Variants in MGLL observed in about 807,000 individuals in gnomAD.
The protein encoded by MGLL is monoglyceride lipase, also known as lysophospholipase homolog.
A neutral mutation model predicts 29.1 loss-of-function variants in MGLL; 7 were observed. The observed-to-expected ratio is 0.24, with a 90% confidence interval of 0.14 to 0.45. The LOEUF (loss-of-function observed/expected upper bound fraction) is 0.45. MGLL is among the 20% of genes least tolerant of loss of function. MGLL has a pLI of 0.99. For missense variants in MGLL, 356 were observed against 413.6 expected (o/e 0.86, Z 1.21); for synonymous variants, 148 against 168.3 (o/e 0.88, Z 0.93).
rs2076762639 is a variant in MGLL at position 127,761,424 on chromosome 3, C to G, written c.262+20365G>C. Among the ~76,000 whole-genome samples the G allele has an allele frequency of 6.6e-6, 1 of 152,188 alleles. No individual in the cohort carries two copies. The highest frequency in any genetic ancestry group is 1.5e-5 in the Non-Finnish European group (1 of 68,026). On this transcript the variant is annotated intron_variant, in intron 3 of 7. Coordinates refer to ENST00000265052, the MANE Select transcript of MGLL (RefSeq NM_007283.7). This position sits in a 1 kb window ranked among gnomAD's most constrained non-coding sequence, Gnocchi z 4.6. ...GGGTGGAGGCCTCCCCAGGGCTCCT[C>G]CTTCTCCAGCAAGCAGTACTAACCT...
chr3:127,706,311 C>G (rs538554769), intron 6 of MGLL, among the ~76,000 whole-genome samples: 94 of 152,306 alleles, frequency 6.2e-4, no homozygotes, highest in African/African-American at 2.2e-3. Flanking sequence ...GAGAAAGAAG[C>G]TCAGTTGGGC....
At chr3:127,719,288 G>A (rs113632854) in intron 5 of MGLL, among the ~76,000 whole-genome samples, 2 of 152,224 alleles carry the variant, frequency 1.3e-5, no homozygotes, top group South Asian at 4.1e-4. Context: ...AAAGTCCTGT[G>A]GGCCCTGGCT....
intron 3 of MGLL, among the ~76,000 whole-genome samples, chr3:127,745,174 G>A (rs890723367): frequency 5.9e-5 from 9 of 152,322 alleles, no homozygotes; most frequent in Non-Finnish European, 1.2e-4. Flanking sequence ...GGTATTTACT[G>A]AGTGGATTGC....
At chr3:127,734,844 C>A (rs1488187072) in intron 3 of MGLL, among the ~76,000 whole-genome samples, 2 of 152,224 alleles carry the variant, frequency 1.3e-5, no homozygotes, top group Non-Finnish European at 2.9e-5. Context: ...GAGATGGGAG[C>A]CCCTGACTGT....
chr3:127,737,985 A>C (rs1195509012), intron 3 of MGLL, among the ~76,000 whole-genome samples: 3 of 152,156 alleles, frequency 2.0e-5, no homozygotes, highest in Non-Finnish European at 4.4e-5. Context: ...TGGTAATATT[A>C]TCTAAGTAAG....
chr3:127,728,099 C>CT (rs1195225117), intron 3 of MGLL, among the ~76,000 whole-genome samples: 1 of 152,146 alleles, frequency 6.6e-6, no homozygotes, highest in Non-Finnish European at 1.5e-5. Context: ...TTCCTTCTTG[C>CT]TTTTCAATTT....
chr3:127,692,143 T>C lies in MGLL; in HGVS notation c.*55A>G. Reference sequence around the variant, plus strand: ...CAAGCCATATCTGAGAAGCCATCTCTGCCCTTCCCCTGCCTGCATCCCCCA... The same window carrying C: ...CAAGCCATATCTGAGAAGCCATCTCCGCCCTTCCCCTGCCTGCATCCCCCA... On this transcript the variant is annotated 3_prime_UTR_variant, in exon 8 of 8. Transcript: ENST00000265052. The C allele has an allele frequency of 7.6e-7, 1 of 1,307,682 alleles. No individual in the cohort carries two copies. The highest frequency in any genetic ancestry group is 1.1e-6 in the Non-Finnish European group (1 of 931,488). 81.0% of individuals were successfully genotyped at this position (1,307,682 alleles called of 1,614,324 possible).
chr3:127,799,741 G>A (rs1019323849), intron 2 of MGLL, among the ~76,000 whole-genome samples: 3 of 152,128 alleles, frequency 2.0e-5, no homozygotes, highest in African/African-American at 7.2e-5. Flanking sequence ...CAGTAGTACC[G>A]GCAAAGGAAG....
At chr3:127,816,772 G>A (rs1473772759) in intron 2 of MGLL, among the ~76,000 whole-genome samples, 1 of 152,210 alleles carries the variant, frequency 6.6e-6, no homozygotes, top group Non-Finnish European at 1.5e-5. Context: ...GCTGTGATGG[G>A]GACCATCACT....
chr3:127,815,656 A>G (rs1310670618), intron 2 of MGLL, among the ~76,000 whole-genome samples: 7 of 152,190 alleles, frequency 4.6e-5, no homozygotes, highest in African/African-American at 1.7e-4. Context: ...CGAGGGTGGA[A>G]CACCATCCAG....
At position 127,761,374 on chromosome 3, in the gene MGLL, G is replaced by A. The variant is rs1219558706; in HGVS notation, c.262+20415C>T. Among the ~76,000 whole-genome samples, 1 of 152,224 alleles carries A rather than the reference G, an allele frequency of 6.6e-6. No individual in the cohort carries two copies. Among genetic ancestry groups the A allele is most frequent in the East Asian group, 1.9e-4 (1 of 5,202 alleles). On this transcript the variant is annotated intron_variant, in intron 3 of 7. Coordinates refer to ENST00000265052, the MANE Select transcript of MGLL (RefSeq NM_007283.7). This position sits in a 1 kb window ranked among gnomAD's most constrained non-coding sequence, Gnocchi z 4.6. ...TGGGGGTGCTGGCTTAGTTTAGGGT[G>A]GGGATGAGAAGCTTTGAGGGACCAG... is the stretch of plus-strand genomic sequence containing the variant.
At chr3:127,718,561 T>C (rs191173037) in intron 5 of MGLL, among the ~76,000 whole-genome samples, 202 of 152,196 alleles carry the variant, frequency 1.3e-3, no homozygotes, top group African/African-American at 4.7e-3. Context: ...CACCAAAAGG[T>C]TGCTAAGCAA....
chr3:127,692,222 C>G lies in MGLL; in HGVS notation c.918G>C (p.Thr306=). ...INMWVSQRTA[T]AGTASPP The stretch of plus-strand genomic sequence containing the variant: ...TTCAGGGTGGGGACGCAGTTCCTGC[C>G]GTGGCTGTCCTTTGAGAGACCCACA... Residue 306 remains threonine, a synonymous_variant, in exon 8 of 8, where the codon ACG becomes ACC. Coordinates refer to ENST00000265052, the MANE Select transcript of MGLL (RefSeq NM_007283.7). The G allele has an allele frequency of 6.2e-7, 1 of 1,613,794 alleles. No homozygotes were observed. Among genetic ancestry groups the G allele is most frequent in the Non-Finnish European group, 8.5e-7 (1 of 1,179,990 alleles).
intron 2 of MGLL, among the ~76,000 whole-genome samples, chr3:127,816,861 C>T (rs902195744): frequency 3.3e-5 from 5 of 152,242 alleles, no homozygotes; most frequent in South Asian, 2.1e-4. Flanking sequence ...CCACTGAAAG[C>T]GGCCACAGTT....
At chr3:127,794,757 T>C (rs969682478) in intron 2 of MGLL, among the ~76,000 whole-genome samples, 5 of 152,314 alleles carry the variant, frequency 3.3e-5, no homozygotes, top group Admixed American at 2.0e-4. Context: ...AGACTGTCTT[T>C]TATGATGTAA....
At chr3:127,792,858 C>G (rs536090574) in intron 2 of MGLL, among the ~76,000 whole-genome samples, 3 of 152,308 alleles carry the variant, frequency 2.0e-5, no homozygotes, top group Non-Finnish European at 4.4e-5. Context: ...TATGCGGGCC[C>G]TTGGGAAGAC....
intron 3 of MGLL, among the ~76,000 whole-genome samples, chr3:127,767,387 C>G (rs73862332): frequency 6.6e-6 from 1 of 152,078 alleles, no homozygotes; most frequent in East Asian, 1.9e-4. Flanking sequence ...AATAATTAAC[C>G]AATTGTTTAT....
At chr3:127,758,374 C>T (rs971596395) in intron 3 of MGLL, among the ~76,000 whole-genome samples, 1 of 152,254 alleles carries the variant, frequency 6.6e-6, no homozygotes. Flanking sequence ...TTGTTCACAG[C>T]TGCATCTCCT....
At chr3:127,698,492 A>AT (rs904403072) in intron 6 of MGLL, among the ~76,000 whole-genome samples, 15 of 152,296 alleles carry the variant, frequency 9.8e-5, no homozygotes, top group Non-Finnish European at 1.9e-4. Context: ...GTCCCCAAAT[A>AT]TTCCACACTG....
Sources: gnomAD v4.1 joint callset for allele counts (sites outside exome capture counted in the v4.1 genomes callset) on GRCh38, gnomAD v4.1.1 for gene constraint, Gnocchi (gnomAD v3.1) non-coding constraint, MANE v1.5 for transcripts, NCBI Gene and HGNC (gene_info 2026-07-23, HGNC 2026-07-21) for gene names.